Variants in FMNL2 observed in about 807,000 individuals in gnomAD.
FMNL2 encodes formin-like protein 2.
Under a neutral mutation model 130.2 loss-of-function variants are expected in FMNL2, and 51 were observed. The observed-to-expected ratio is 0.39, with a 90% CI of 0.31 to 0.49. The LOEUF is 0.49. Ranked by LOEUF, FMNL2 falls within the 20% of genes least tolerant of loss-of-function variation. The pLI is 0.85. For synonymous variants in FMNL2, 465 were observed against 467.1 expected (o/e 1.00, Z 0.06); for missense variants, 977 against 1,316.2 (o/e 0.74, Z 3.99).
At chr2:152,456,637 A>G (rs1688971544) in intron 1 of FMNL2, among the ~76,000 whole-genome samples, 1 of 152,156 alleles carries the variant, frequency 6.6e-6, no homozygotes, top group South Asian at 2.1e-4. Context: ...TATGGAGAGA[A>G]GTGGTGTATT....
chr2:152,339,468 CT>C (rs1428509661), intron 1 of FMNL2, among the ~76,000 whole-genome samples: 1 of 152,206 alleles, frequency 6.6e-6, no homozygotes, highest in East Asian at 1.9e-4. Flanking sequence ...TCATTTTTGG[CT>C]TGCAGTCACT....
chr2:152,452,653 G>A (rs1365381201), intron 1 of FMNL2, among the ~76,000 whole-genome samples: 1 of 152,092 alleles, frequency 6.6e-6, no homozygotes. Flanking sequence ...GGAAGTGAGG[G>A]GCTATTAAGT....
intron 1 of FMNL2, among the ~76,000 whole-genome samples, chr2:152,352,102 G>C (rs1682522921): frequency 6.6e-6 from 1 of 152,102 alleles, no homozygotes; most frequent in African/African-American, 2.4e-5. Flanking sequence ...TGGGAATTTT[G>C]GTATCTTCCT....
chr2:152,389,718 G>T (rs528985798), intron 1 of FMNL2, among the ~76,000 whole-genome samples: 10 of 152,358 alleles, frequency 6.6e-5, no homozygotes, highest in African/African-American at 2.2e-4. Flanking sequence ...ATGGCATGTT[G>T]CTGGCCATGG....
At chr2:152,358,525 C>A (rs1047356182) in intron 1 of FMNL2, among the ~76,000 whole-genome samples, 3 of 152,060 alleles carry the variant, frequency 2.0e-5, no homozygotes, top group African/African-American at 7.2e-5. Context: ...GTGGTGCACA[C>A]CTGTAGTCCC....
At chr2:152,629,290 A>C (rs1682007752) in intron 18 of FMNL2, among the ~76,000 whole-genome samples, 1 of 152,148 alleles carries the variant, frequency 6.6e-6, no homozygotes, top group South Asian at 2.1e-4. Context: ...CATTGATTTA[A>C]AAATATTAAT....
intron 9 of FMNL2, among the ~76,000 whole-genome samples, chr2:152,586,268 C>T (rs1697071247): frequency 1.3e-5 from 2 of 152,336 alleles, no homozygotes; most frequent in South Asian, 4.1e-4. Flanking sequence ...CTCTTGTGCA[C>T]AGCACTCTTG....
At chr2:152,636,007 A>T (rs1324477424) in intron 21 of FMNL2, among the ~76,000 whole-genome samples, 1 of 151,926 alleles carries the variant, frequency 6.6e-6, no homozygotes, top group East Asian at 1.9e-4. Flanking sequence ...AACACACAAA[A>T]CCTTAGGCTT....
intron 2 of FMNL2, among the ~76,000 whole-genome samples, chr2:152,535,051 G>A (rs928600141): frequency 4.6e-5 from 7 of 152,144 alleles, no homozygotes; most frequent in African/African-American, 1.4e-4. Context: ...AGTTGGGAAC[G>A]GAGGAAAGAG....
In FMNL2 at chr2:152,614,753, A is replaced by AAAACAAAACG. The variant is rs1399766374; in HGVS notation, c.1063-89_1063-88insGAAACAAAAC. Reference sequence around the variant, plus strand: ...GTGAAACTCCATCTCAAAACAAAACAAAACAAAACAAAAAACAAAAAAGAC... The same window carrying AAAACAAAACG: ...GTGAAACTCCATCTCAAAACAAAACAAAACAAAACGAAACAAAACAAAAAACAAAAAAGAC... On this transcript the variant is annotated intron_variant, in intron 11 of 25. Transcript: ENST00000288670. The AAAACAAAACG allele has an allele frequency of 4.2e-5, 57 of 1,367,056 alleles. No individual in the cohort carries two copies. The African/African-American group carries it at 7.2e-4, about 17-fold the overall frequency. 84.7% of individuals were successfully genotyped at this position (1,367,056 alleles called of 1,614,324 possible).
intron 1 of FMNL2, among the ~76,000 whole-genome samples, chr2:152,479,792 C>T (rs1440904793): frequency 1.3e-5 from 2 of 149,448 alleles, no homozygotes; most frequent in Non-Finnish European, 3.0e-5. Context: ...CTCACTGCAA[C>T]CTCCGCCTCC....
chr2:152,488,628 C>G (rs1006448370), intron 1 of FMNL2, among the ~76,000 whole-genome samples: 2 of 152,082 alleles, frequency 1.3e-5, no homozygotes, highest in African/African-American at 4.8e-5. Context: ...ATATATATAC[C>G]TGTGTGTATG....
At chr2:152,490,589 G>GTGTGTGTGTT (rs1169314202) in intron 1 of FMNL2, among the ~76,000 whole-genome samples, 1 of 150,322 alleles carries the variant, frequency 6.7e-6, no homozygotes, top group African/African-American at 2.4e-5. Context: ...GTGTGTGTGT[G>GTGTGTGTGTT]TGTGTGTGTG....
rs147562333 is a variant in FMNL2 at position 152,335,728 on chromosome 2, C to T, written c.117+8C>T. Reference sequence around the variant, plus strand: ...CGATTTGCCATCGTGCTGGTAAGTGCGCGGCGGCGGTCGGGCGCGGGGACC... The same window carrying T: ...CGATTTGCCATCGTGCTGGTAAGTGTGCGGCGGCGGTCGGGCGCGGGGACC... On this transcript the variant is annotated splice_region_variant and intron_variant, in intron 1 of 25. Coordinates refer to ENST00000288670, the MANE Select transcript of FMNL2 (RefSeq NM_052905.4). The T allele has an allele frequency of 3.9e-6, 6 of 1,558,272 alleles. No homozygotes were observed. The highest frequency in any genetic ancestry group is 2.6e-5 in the East Asian group (1 of 38,442).
chr2:152,497,542 C>G (rs1691580152), intron 1 of FMNL2, among the ~76,000 whole-genome samples: 2 of 152,178 alleles, frequency 1.3e-5, no homozygotes, highest in African/African-American at 4.8e-5. Flanking sequence ...ATTTCTTCCT[C>G]ATTCTTTCTG....
chr2:152,639,207 C>A (rs940238693), intron 23 of FMNL2, among the ~76,000 whole-genome samples: 10 of 152,214 alleles, frequency 6.6e-5, no homozygotes, highest in African/African-American at 2.4e-4. Flanking sequence ...AGGACATCAT[C>A]CCTCTCATAT....
intron 1 of FMNL2, among the ~76,000 whole-genome samples, chr2:152,417,545 T>C (rs1686682207): frequency 6.6e-6 from 1 of 152,208 alleles, no homozygotes; most frequent in African/African-American, 2.4e-5. Flanking sequence ...GTTCCTGTGA[T>C]CTGTGCACAT....
chr2:152,556,039 C>G (rs138918847), intron 4 of FMNL2, among the ~76,000 whole-genome samples: 26 of 152,220 alleles, frequency 1.7e-4, no homozygotes, highest in Admixed American at 1.5e-3. Context: ...TCTTTCCTTA[C>G]TCTTATATTT....
intron 21 of FMNL2, among the ~76,000 whole-genome samples, chr2:152,635,542 A>G (rs549315354): frequency 1.3e-5 from 2 of 152,370 alleles, no homozygotes; most frequent in Admixed American, 6.5e-5. Flanking sequence ...ATGATGTATA[A>G]CATAACCACA....
Sources: gnomAD v4.1 joint callset for allele counts (sites outside exome capture counted in the v4.1 genomes callset) on GRCh38, gnomAD v4.1.1 for gene constraint, MANE v1.5 for transcripts, NCBI Gene and HGNC (gene_info 2026-07-23, HGNC 2026-07-21) for gene names.